The following CLINT1 variants were observed in gnomAD, a reference collection of about 807,000 sequenced individuals.
The protein encoded by CLINT1 is clathrin interactor 1, also known as clathrin interacting protein localized in the trans-Golgi region.
Under a neutral mutation model 70.4 loss-of-function variants are expected in CLINT1, and 15 were observed. The observed-to-expected ratio is 0.21, with a 90% CI of 0.14 to 0.33. The LOEUF (loss-of-function observed/expected upper bound fraction) is 0.33. CLINT1 is among the 10% of genes least tolerant of loss of function. The pLI, the probability that CLINT1 is intolerant of heterozygous loss-of-function variation, is 1.00. For missense variants in CLINT1, 615 were observed against 778.1 expected (o/e 0.79, Z 2.49); for synonymous variants, 227 against 254.7 (o/e 0.89, Z 1.04).
At chr5:157,823,151 C>T (rs540252896) in intron 1 of CLINT1, among the ~76,000 whole-genome samples, 4 of 152,246 alleles carry the variant, frequency 2.6e-5, no homozygotes, top group Non-Finnish European at 5.9e-5. Context: ...TGTGTTCTGA[C>T]GTACGCATGC....
chr5:157,790,345 C>A (rs1323037290), intron 10 of CLINT1: 2 of 200,880 alleles, frequency 1.0e-5, no homozygotes, highest in Non-Finnish European at 2.0e-5. Flanking sequence ...CTAAAGTGAG[C>A]AACACTAACT....
chr5:157,846,727 G>A (rs1753393588), intron 1 of CLINT1, among the ~76,000 whole-genome samples: 1 of 152,212 alleles, frequency 6.6e-6, no homozygotes, highest in African/African-American at 2.4e-5. Context: ...AAGCCTCAAA[G>A]GACAGGCTGA....
At chr5:157,803,400 C>T (rs1762285508) in intron 8 of CLINT1, among the ~76,000 whole-genome samples, 1 of 151,920 alleles carries the variant, frequency 6.6e-6, no homozygotes, top group Non-Finnish European at 1.5e-5. Context: ...AAGTACTGAC[C>T]ACAAACAAAG....
At chr5:157,850,861 C>G (rs1004026084) in intron 1 of CLINT1, among the ~76,000 whole-genome samples, 6 of 151,910 alleles carry the variant, frequency 3.9e-5, no homozygotes, top group African/African-American at 1.5e-4. Context: ...GTGGCACAAT[C>G]ACAGCTCACT....
Position 157,787,827 on chromosome 5 carries a change from A to G in CLINT1, c.1697T>C (p.Leu566Pro). 1.2e-6 allele frequency: 2 copies of G among 1,613,956 alleles called. No homozygotes were observed. Among genetic ancestry groups the G allele is most frequent in the Non-Finnish European group, 8.5e-7 (1 of 1,179,868 alleles). ...CTGGTTCATCATCGGAGTATTTCCA[A>G]GAGGGGCCATTCCCATGGTGCCAGT... is the stretch of plus-strand genomic sequence containing the variant. ...VMTGTMGMAP[L>P]GNTPMMNQSM... The change falls in exon 12 of 12, where the codon CTT becomes CCT. Residue 566 changes from leucine (L) to proline (P), a missense_variant. Physicochemically the swap from Leu to Pro is moderately conservative, Grantham distance 98 (BLOSUM62 -3). Transcript: ENST00000411809.
chr5:157,804,883 C>T (rs765160911), intron 7 of CLINT1, among the ~76,000 whole-genome samples: 4 of 151,804 alleles, frequency 2.6e-5, no homozygotes, highest in Admixed American at 6.6e-5. Context: ...GCCAAGATCG[C>T]GCCATTGCAC....
At chr5:157,819,893 C>T (rs1762829108) in intron 1 of CLINT1, among the ~76,000 whole-genome samples, 3 of 152,140 alleles carry the variant, frequency 2.0e-5, no homozygotes, top group Admixed American at 2.0e-4. Flanking sequence ...GACAAAGGCC[C>T]ATGGGTCAAA....
At chr5:157,844,404 A>G (rs1490496670) in intron 1 of CLINT1, among the ~76,000 whole-genome samples, 2 of 152,184 alleles carry the variant, frequency 1.3e-5, no homozygotes, top group Non-Finnish European at 1.5e-5. Context: ...TTTCATATGC[A>G]TATGCCTTAC....
Position 157,794,978 on chromosome 5 carries a change from A to G in CLINT1, c.1013-6T>C. 1 of 1,551,304 alleles carries G rather than the reference A, an allele frequency of 6.4e-7. No homozygotes were observed. The highest frequency in any genetic ancestry group is 8.7e-7 in the Non-Finnish European group (1 of 1,146,462). On this transcript the variant is annotated splice_region_variant and splice_polypyrimidine_tract_variant and intron_variant, in intron 8 of 11. Coordinates refer to ENST00000411809, the MANE Select transcript of CLINT1 (RefSeq NM_014666.4). Reference sequence around the variant, plus strand: ...GAATAAATCAGCTGATCCTCCTAGAAGTTAAGAAAAAGTTAAAACTGTTAG... The same window carrying G: ...GAATAAATCAGCTGATCCTCCTAGAGGTTAAGAAAAAGTTAAAACTGTTAG...
At chr5:157,797,346 CTTA>C (rs1420184395) in intron 8 of CLINT1, among the ~76,000 whole-genome samples, 3 of 152,022 alleles carry the variant, frequency 2.0e-5, no homozygotes, top group African/African-American at 4.8e-5. Context: ...CAATATATAA[CTTA>C]TTATAGCAAA....
chr5:157,817,869 T>C (rs1352475476), intron 1 of CLINT1, among the ~76,000 whole-genome samples: 1 of 152,194 alleles, frequency 6.6e-6, no homozygotes, highest in Admixed American at 6.5e-5. Flanking sequence ...CTGGAGTCTA[T>C]TATAAAACTA....
At chr5:157,830,800 A>C (rs71585956) in intron 1 of CLINT1, among the ~76,000 whole-genome samples, 9,225 of 124,800 alleles carry the variant, frequency 0.074, 298 homozygotes, top group East Asian at 0.13. Context: ...CTCTCTCTAT[A>C]TATATATATA....
At chr5:157,791,662 A>G (rs768805878) in intron 10 of CLINT1, 41 bp downstream of exon 10, 2 of 1,545,896 alleles carry the variant, frequency 1.3e-6, no homozygotes, top group East Asian at 4.5e-5. Context: ...AGCATCTCAA[A>G]GATTATAAAT....
chr5:157,817,347 G>T, intron 2 of CLINT1, 96 bp downstream of exon 2: 1 of 722,900 alleles, frequency 1.4e-6, no homozygotes, highest in Non-Finnish European at 2.3e-6. Context: ...TTTATATTTT[G>T]GCAGCCAAAT....
intron 3 of CLINT1, among the ~76,000 whole-genome samples, chr5:157,816,164 T>G (rs1762716119): frequency 6.6e-6 from 1 of 152,182 alleles, no homozygotes; most frequent in Non-Finnish European, 1.5e-5. Flanking sequence ...TATGTCATTT[T>G]GGATAGCAAA....
At chr5:157,831,940 C>T (rs369271691) in intron 1 of CLINT1, among the ~76,000 whole-genome samples, 125 of 152,108 alleles carry the variant, frequency 8.2e-4, no homozygotes, top group African/African-American at 3.0e-3. Flanking sequence ...TCCACCCCCG[C>T]CCACCTCGGC....
chr5:157,845,516 T>C (rs1753340780), intron 1 of CLINT1, among the ~76,000 whole-genome samples: 1 of 152,116 alleles, frequency 6.6e-6, no homozygotes, highest in African/African-American at 2.4e-5. Context: ...TCACACCTAT[T>C]TAAGGTTTAT....
At chr5:157,818,916 A>G (rs1463166760) in intron 1 of CLINT1, among the ~76,000 whole-genome samples, 2 of 152,230 alleles carry the variant, frequency 1.3e-5, no homozygotes, top group Admixed American at 1.3e-4. Context: ...AATAATTGTT[A>G]TAACAGGTGT....
chr5:157,811,388 C>T lies in CLINT1; in HGVS notation c.518-1583G>A, dbSNP rs549656670. ...GAAACCCTAAAAATACAAAAATTGG[C>T]GAGGCATGGTGGCTCACGCCTGTGG... On this transcript the variant is annotated intron_variant, in intron 5 of 11. Coordinates refer to ENST00000411809, the MANE Select transcript of CLINT1 (RefSeq NM_014666.4). 3.2e-4 allele frequency among the ~76,000 whole-genome samples: 48 copies of T among 152,046 alleles called. No individual in the cohort carries two copies. In the South Asian group the frequency reaches 7.9e-3, roughly 25 times the overall value.
Sources: gnomAD v4.1 joint callset for allele counts (sites outside exome capture counted in the v4.1 genomes callset) on GRCh38, gnomAD v4.1.1 for gene constraint, MANE v1.5 for transcripts, NCBI Gene and HGNC (gene_info 2026-07-23, HGNC 2026-07-21) for gene names.